MAGI2: variants seen among roughly 807,000 people sequenced by gnomAD.
MAGI2 encodes the protein membrane-associated guanylate kinase, WW and PDZ domain-containing protein 2.
A neutral mutation model predicts 133.3 loss-of-function variants in MAGI2; 35 were observed. The ratio of observed to expected loss-of-function variants is 0.26; its 90% CI spans 0.20 to 0.35. The LOEUF is 0.35. Ranked by LOEUF, MAGI2 falls within the 10% of genes least tolerant of loss-of-function variation. The pLI, the probability that MAGI2 is intolerant of heterozygous loss-of-function variation, is 1.00. For synonymous variants in MAGI2, 729 were observed against 710.6 expected (o/e 1.03, Z -0.41); for missense variants, 1,636 against 1,863.4 (o/e 0.88, Z 2.25).
rs147890116 is a variant in MAGI2 at position 78,168,032 on chromosome 7, T to C, written c.2480A>G (p.Tyr827Cys). 1.2e-6 allele frequency: 2 copies of C among 1,614,108 alleles called. No homozygotes were observed. The highest frequency in any genetic ancestry group is 1.1e-5 in the South Asian group (1 of 91,080). Residue 827 changes from tyrosine (Y) to cysteine (C), a missense_variant, in exon 15 of 22, where the codon TAT (tyrosine) becomes TGT (cysteine). Tyr to Cys is a radical substitution (Grantham distance 194). Transcript: ENST00000354212. ...GCCGGCTACTGGAATCCCATCAACA[T>C]ACACAAGCTCATCTCCTGGGTGAAG... Reference protein sequence around the residue: ...GRLHPGDELVYVDGIPVAGKT... With the variant: ...GRLHPGDELVCVDGIPVAGKT...
chr7:78,441,535 G>A (rs1026949633), intron 6 of MAGI2, among the ~76,000 whole-genome samples: 1 of 152,092 alleles, frequency 6.6e-6, no homozygotes, highest in Non-Finnish European at 1.5e-5. Context: ...TAAGCTGTTT[G>A]TAACTAGAGG....
At chr7:79,147,862 C>T (rs1423014740) in intron 1 of MAGI2, among the ~76,000 whole-genome samples, 2 of 152,124 alleles carry the variant, frequency 1.3e-5, no homozygotes, top group Non-Finnish European at 2.9e-5. Context: ...CCTTGTCCTC[C>T]GGCCAGGTAT....
intron 2 of MAGI2, among the ~76,000 whole-genome samples, chr7:78,992,572 T>C (rs781145995): frequency 1.1e-4 from 16 of 152,068 alleles, no homozygotes; most frequent in Non-Finnish European, 2.2e-4. Context: ...ACATCTGGCC[T>C]ATTTGGATAC....
At chr7:78,240,740 G>A (rs564678796) in intron 10 of MAGI2, among the ~76,000 whole-genome samples, 29 of 152,096 alleles carry the variant, frequency 1.9e-4, no homozygotes, top group Non-Finnish European at 4.0e-4. Context: ...GATTATAGTT[G>A]ATGATGATAT....
At chr7:78,988,546 A>G (rs539680007) in intron 2 of MAGI2, among the ~76,000 whole-genome samples, 1 of 152,102 alleles carries the variant, frequency 6.6e-6, no homozygotes, top group Non-Finnish European at 1.5e-5. Context: ...TTGCAATTAA[A>G]CCCATTAATT....
chr7:79,047,032 TA>T (rs963057467), intron 1 of MAGI2, among the ~76,000 whole-genome samples: 4 of 152,190 alleles, frequency 2.6e-5, no homozygotes, highest in South Asian at 2.1e-4. Flanking sequence ...TGAATGAATA[TA>T]TTTTTTTAAA....
intron 1 of MAGI2, among the ~76,000 whole-genome samples, chr7:79,355,562 CCA>C (rs1489330022): frequency 6.6e-6 from 1 of 152,110 alleles, no homozygotes; most frequent in Non-Finnish European, 1.5e-5. Flanking sequence ...CAGTCAGAAC[CCA>C]CAGTCAACTC....
At chr7:78,189,088 A>G (rs983984278) in intron 12 of MAGI2, among the ~76,000 whole-genome samples, 2 of 152,210 alleles carry the variant, frequency 1.3e-5, no homozygotes, top group African/African-American at 4.8e-5. Context: ...ACTCTTGCTC[A>G]CTAATAACAA....
chr7:79,066,466 G>C (rs928385495), intron 1 of MAGI2, among the ~76,000 whole-genome samples: 2 of 151,776 alleles, frequency 1.3e-5, no homozygotes, highest in Non-Finnish European at 2.9e-5. Context: ...CTGGATATTA[G>C]CCCTTTTTCA....
At chr7:78,143,508 A>G (rs1396515982) in intron 16 of MAGI2, among the ~76,000 whole-genome samples, 1 of 152,174 alleles carries the variant, frequency 6.6e-6, no homozygotes, top group Admixed American at 6.5e-5. Flanking sequence ...CTATTATGAT[A>G]AAAATTGTAT....
At chr7:78,494,830 C>A (rs1280900802) in intron 5 of MAGI2, among the ~76,000 whole-genome samples, 1 of 149,146 alleles carries the variant, frequency 6.7e-6, no homozygotes, top group Admixed American at 6.6e-5. Flanking sequence ...TTAATAAGTC[C>A]TCCAAATAGC....
chr7:78,098,920 C>T (rs1311233430), intron 20 of MAGI2, among the ~76,000 whole-genome samples: 2 of 151,998 alleles, frequency 1.3e-5, no homozygotes, highest in Non-Finnish European at 2.9e-5. Context: ...AGTACTTTGC[C>T]AATTTTTTTC....
intron 1 of MAGI2, among the ~76,000 whole-genome samples, chr7:79,448,996 T>C (rs185552286): frequency 1.8e-4 from 28 of 152,286 alleles, no homozygotes; most frequent in Admixed American, 3.9e-4. Flanking sequence ...AAAACATTAA[T>C]GGTACTTTAT....
intron 2 of MAGI2, chr7:78,901,129 A>G (rs1169555249): frequency 6.6e-6 from 1 of 152,190 alleles, no homozygotes; most frequent in Non-Finnish European, 1.5e-5. Flanking sequence ...TTTTCATGAA[A>G]TGTGAAAAAG....
chr7:78,568,029 G>A (rs935796259), intron 3 of MAGI2: 1 of 152,138 alleles, frequency 6.6e-6, no homozygotes, highest in African/African-American at 2.4e-5. Context: ...TGAAACAGCT[G>A]GTAAGTTTCT....
chr7:78,237,594 CA>C (rs1345182575), intron 10 of MAGI2, among the ~76,000 whole-genome samples: 1 of 152,144 alleles, frequency 6.6e-6, no homozygotes, highest in Non-Finnish European at 1.5e-5. Context: ...AAACTTACCA[CA>C]AACAACAACA....
chr7:79,312,606 T>G (rs1291334734), intron 1 of MAGI2, among the ~76,000 whole-genome samples: 1 of 152,190 alleles, frequency 6.6e-6, no homozygotes, highest in Non-Finnish European at 1.5e-5. Context: ...TTATTCCTCT[T>G]GTTTATTGTC....
At chr7:78,130,536 T>C (rs1821463225) in intron 18 of MAGI2, among the ~76,000 whole-genome samples, 1 of 152,204 alleles carries the variant, frequency 6.6e-6, no homozygotes, top group African/African-American at 2.4e-5. Flanking sequence ...ATGGCCATCT[T>C]TAAATGCAAT....
intron 3 of MAGI2, chr7:78,614,363 A>C (rs1179769735): frequency 1.3e-5 from 2 of 152,008 alleles, no homozygotes; most frequent in African/African-American, 4.8e-5. Flanking sequence ...AAAATGGATA[A>C]ACTTGTAAAT....
Sources: gnomAD v4.1 joint callset for allele counts (sites outside exome capture counted in the v4.1 genomes callset) on GRCh38, gnomAD v4.1.1 for gene constraint, MANE v1.5 for transcripts, NCBI Gene and HGNC (gene_info 2026-07-23, HGNC 2026-07-21) for gene names.